The following LSAMP variants were observed in gnomAD, a reference collection of about 807,000 sequenced individuals.
LSAMP encodes limbic system associated membrane protein.
LSAMP carries 7 observed loss-of-function variants against 38.6 expected under a neutral mutation model. That is an observed-to-expected ratio of 0.18 (90% confidence interval 0.10 to 0.34). LSAMP has a LOEUF of 0.34. Among genes scored for constraint, LSAMP ranks in the 10% least tolerant of loss-of-function variants. The pLI is 1.00. For synonymous variants in LSAMP, 154 were observed against 166.8 expected (o/e 0.92, Z 0.59); for missense variants, 313 against 420.0 (o/e 0.75, Z 2.23).
At position 115,804,349 on chromosome 3, in the gene LSAMP, C is replaced by G. The variant is rs1933582265; in HGVS notation, c.*5968G>C. The G allele has an allele frequency of 6.6e-6, 1 of 152,210 alleles. No homozygotes were observed. Among genetic ancestry groups the G allele is most frequent in the South Asian group, 2.1e-4 (1 of 4,830 alleles). 9.4% of individuals were successfully genotyped at this position (152,210 alleles called of 1,614,324 possible). On this transcript the variant is annotated 3_prime_UTR_variant, in exon 7 of 7. Transcript: ENST00000490035. ...TTAGAGACGTCAGCCGAATCCCTCA[C>G]TTTCAGGATGAGAAAACCAAGACTC...
At chr3:116,002,051 C>A (rs1940011796) in intron 3 of LSAMP, among the ~76,000 whole-genome samples, 1 of 152,078 alleles carries the variant, frequency 6.6e-6, no homozygotes, top group South Asian at 2.1e-4. Flanking sequence ...GAAACAATAT[C>A]ATCTTTCTAT....
intron 1 of LSAMP, among the ~76,000 whole-genome samples, chr3:116,241,709 G>C (rs542797281): frequency 5.3e-5 from 8 of 152,154 alleles, no homozygotes; most frequent in Non-Finnish European, 1.2e-4. Flanking sequence ...TCCCCAGTTT[G>C]CTAGCCATAT....
At chr3:116,111,289 G>C (rs1338130349) in intron 1 of LSAMP, among the ~76,000 whole-genome samples, 2 of 152,194 alleles carry the variant, frequency 1.3e-5, no homozygotes, top group African/African-American at 4.8e-5. Flanking sequence ...CGGACTGCCA[G>C]AATCAAACAG....
At chr3:116,245,377 G>A (rs566702175) in intron 1 of LSAMP, among the ~76,000 whole-genome samples, 1 of 152,248 alleles carries the variant, frequency 6.6e-6, no homozygotes, top group African/African-American at 2.4e-5. Flanking sequence ...ACATGTTACA[G>A]ACAAATAATC....
At chr3:116,404,130 A>G (rs2048873966) in intron 1 of LSAMP, among the ~76,000 whole-genome samples, 1 of 152,180 alleles carries the variant, frequency 6.6e-6, no homozygotes, top group South Asian at 2.1e-4. Context: ...AAAACAAATC[A>G]TGGTAAAAAT....
chr3:116,257,498 G>T (rs2046766920), intron 1 of LSAMP, among the ~76,000 whole-genome samples: 4 of 152,068 alleles, frequency 2.6e-5, no homozygotes, highest in Admixed American at 2.6e-4. Flanking sequence ...GGTGCAGTGT[G>T]ACAGTTTTAT....
chr3:116,443,734 T>A (rs1360326724), intron 1 of LSAMP, among the ~76,000 whole-genome samples: 1 of 152,180 alleles, frequency 6.6e-6, no homozygotes, highest in African/African-American at 2.4e-5. Context: ...ATTACCTAGA[T>A]AGACAGACTG....
intron 2 of LSAMP, among the ~76,000 whole-genome samples, chr3:116,026,272 T>G (rs1459426990): frequency 6.6e-6 from 1 of 152,170 alleles, no homozygotes; most frequent in African/African-American, 2.4e-5. Context: ...TGTAGTTCCT[T>G]TATCCACCCT....
chr3:115,932,943 G>C (rs1421457631), intron 3 of LSAMP, among the ~76,000 whole-genome samples: 2 of 152,180 alleles, frequency 1.3e-5, no homozygotes, highest in Non-Finnish European at 2.9e-5. Flanking sequence ...AGTGGAAAGA[G>C]GTGGTGACTT....
At chr3:115,838,165 A>AGGTC (rs1217602108) in intron 6 of LSAMP, 4 of 152,268 alleles carry the variant, frequency 2.6e-5, no homozygotes, top group Non-Finnish European at 5.9e-5. Context: ...TTTCTGACAC[A>AGGTC]AAAATATAAT....
rs1002699458 is a variant in LSAMP at position 116,393,848 on chromosome 3, A to G, written c.155+51029T>C. Among the ~76,000 whole-genome samples the G allele has an allele frequency of 2.6e-5, 4 of 152,228 alleles. No individual in the cohort carries two copies. The East Asian group carries it at 5.8e-4, about 22-fold the overall frequency. On this transcript the variant is annotated intron_variant, in intron 1 of 6. Transcript: ENST00000490035. ...AATGTGTTTCTAACTAGCTTCTGGT[A>G]TATTTCAAGGTTGGTGGCATTAAGA...
intron 1 of LSAMP, among the ~76,000 whole-genome samples, chr3:116,122,998 T>G (rs1162452972): frequency 6.6e-6 from 1 of 152,216 alleles, no homozygotes; most frequent in Non-Finnish European, 1.5e-5. Flanking sequence ...CTATAAACTG[T>G]AGGCACTGAG....
At chr3:115,848,685 C>G (rs1179548814) in intron 4 of LSAMP, among the ~76,000 whole-genome samples, 1 of 152,064 alleles carries the variant, frequency 6.6e-6, no homozygotes, top group Non-Finnish European at 1.5e-5. Context: ...GCTCTAGACA[C>G]CAGGGTGGAG....
At chr3:116,159,877 G>A (rs557023740) in intron 1 of LSAMP, among the ~76,000 whole-genome samples, 4 of 152,112 alleles carry the variant, frequency 2.6e-5, no homozygotes, top group East Asian at 3.9e-4. Flanking sequence ...TGTATACATC[G>A]TGGAATACTA....
At chr3:115,848,050 T>C (rs1480819973) in intron 4 of LSAMP, among the ~76,000 whole-genome samples, 1 of 151,998 alleles carries the variant, frequency 6.6e-6, no homozygotes, top group Non-Finnish European at 1.5e-5. Context: ...AATAGATTCA[T>C]ATTAGGATAT....
intron 3 of LSAMP, among the ~76,000 whole-genome samples, chr3:115,917,634 T>C (rs1399958565): frequency 1.3e-5 from 2 of 152,044 alleles, no homozygotes; most frequent in Non-Finnish European, 2.9e-5. Context: ...TCTTTTAAAT[T>C]AATGACCTTT....
At chr3:115,994,206 G>A (rs186741765) in intron 3 of LSAMP, among the ~76,000 whole-genome samples, 239 of 152,096 alleles carry the variant, frequency 1.6e-3, no homozygotes, top group South Asian at 0.011. Flanking sequence ...GCATATTTGG[G>A]AAACAATAAC....
intron 1 of LSAMP, among the ~76,000 whole-genome samples, chr3:116,089,561 G>A: frequency 6.6e-6 from 1 of 152,086 alleles, no homozygotes; most frequent in Non-Finnish European, 1.5e-5. Flanking sequence ...GTTTCAGCGT[G>A]TTAGCCAGGA....
chr3:116,318,791 T>A (rs950149479), intron 1 of LSAMP, among the ~76,000 whole-genome samples: 2 of 152,210 alleles, frequency 1.3e-5, no homozygotes, highest in African/African-American at 2.4e-5. Context: ...TTTTGGATGA[T>A]AAAGCTAATT....
Sources: allele counts gnomAD v4.1 joint callset (sites outside exome capture counted in the v4.1 genomes callset), GRCh38; gene constraint gnomAD v4.1.1; transcripts MANE v1.5; gene names NCBI Gene and HGNC (gene_info 2026-07-23, HGNC 2026-07-21).